Variants in CTBP1 observed in about 807,000 individuals in gnomAD.
CTBP1 encodes C-terminal-binding protein 1.
Under a neutral mutation model 42.1 loss-of-function variants are expected in CTBP1, and 11 were observed. The observed-to-expected ratio is 0.26, with a 90% CI of 0.16 to 0.43. The LOEUF (loss-of-function observed/expected upper bound fraction) is 0.43, where lower values mean the gene tolerates loss of function less well. Ranked by LOEUF, CTBP1 falls within the 20% of genes least tolerant of loss-of-function variation. The probability of loss-of-function intolerance (pLI) is 1.00; values close to 1 mark genes in which losing one functional copy is unlikely to be tolerated. For synonymous variants in CTBP1, 324 were observed against 277.1 expected, an observed-to-expected ratio of 1.17 and a Z score of -1.68; for missense variants, 399 against 624.3, an observed-to-expected ratio of 0.64 and a Z score of 3.85.
At chr4:1,240,680 G>C (rs993866469) in intron 2 of CTBP1, among the ~76,000 whole-genome samples, 2 of 152,118 alleles carry the variant, frequency 1.3e-5, no homozygotes, top group Admixed American at 6.5e-5. Context: ...CGGTGGGGAG[G>C]GGGGAGCAGG....
At chr4:1,249,500 C>A (rs1054834029), upstream of CTBP1, 1 of 164,310 alleles carries the variant, frequency 6.1e-6, no homozygotes, top group African/African-American at 2.4e-5. Flanking sequence ...GCGCCGCAGC[C>A]GCAGCCGCCC....
intron 1 of CTBP1, chr4:1,244,861 T>C: frequency 1.0e-6 from 1 of 985,438 alleles, no homozygotes; most frequent in Non-Finnish European, 1.2e-6. Flanking sequence ...CTGGCGGTGC[T>C]GCCCAGCCAG....
rs763692378 is a variant in CTBP1 at position 1,246,296 on chromosome 4, G to A, written c.-189+2620C>T. Among the ~76,000 whole-genome samples, 12 of 152,052 alleles carry A rather than the reference G, an allele frequency of 7.9e-5. No homozygotes were observed. In the South Asian group the frequency reaches 8.3e-4, roughly 11 times the overall value. On this transcript the variant is annotated intron_variant, in intron 1 of 9. Coordinates refer to ENST00000382952, the MANE Select transcript of CTBP1 (RefSeq NM_001012614.2). ...CGCTCCACCCGGCGCTCCGACCAGC[G>A]TTCCCTTGGGCGATGCAGTTCAACC... is the stretch of plus-strand genomic sequence containing the variant.
chr4:1,247,185 G>C (rs1732801633), intron 1 of CTBP1, among the ~76,000 whole-genome samples: 1 of 152,240 alleles, frequency 6.6e-6, no homozygotes, highest in Non-Finnish European at 1.5e-5. Context: ...AGAACTAACA[G>C]CTGCCCTGGT....
intron 5 of CTBP1, among the ~76,000 whole-genome samples, chr4:1,222,165 T>C (rs879578635): frequency 2.0e-5 from 3 of 152,156 alleles, no homozygotes; most frequent in Non-Finnish European, 4.4e-5. Flanking sequence ...CATGAGGCTC[T>C]TCCACAGAGG....
At chr4:1,219,728 T>A (rs528195637) in intron 5 of CTBP1, among the ~76,000 whole-genome samples, 1 of 152,314 alleles carries the variant, frequency 6.6e-6, no homozygotes, top group East Asian at 1.9e-4. Flanking sequence ...CAGAGGCAGG[T>A]CTCATTACGC....
At position 1,212,463 on chromosome 4, in the gene CTBP1, C is replaced by T. The variant is rs1354303611; in HGVS notation, c.1107-40G>A. 31 of 1,397,310 alleles carry T rather than the reference C, an allele frequency of 2.2e-5. No individual in the cohort carries two copies. In the South Asian group the frequency reaches 2.9e-4, roughly 13 times the overall value. The allele number at this position is 1,397,310 out of a possible 1,614,324, so 86.6% of individuals were successfully genotyped here. A position where few individuals can be genotyped will look rare whatever the true frequency, so the allele number is the denominator to read the frequency against. On this transcript the variant is annotated intron_variant, in intron 9 of 9. Coordinates refer to ENST00000382952, the MANE Select transcript of CTBP1 (RefSeq NM_001012614.2). ...TCCATCCGTGAGGCCCACCTGTAGG[C>T]GGCCTGGCCAGGCCCCACCTGCCCT...
At chr4:1,229,137 G>A (rs1336092370) in intron 3 of CTBP1, among the ~76,000 whole-genome samples, 3 of 152,194 alleles carry the variant, frequency 2.0e-5, no homozygotes, top group Non-Finnish European at 4.4e-5. Flanking sequence ...ACCCCACCCT[G>A]CCAAGGGCTC....
At chr4:1,232,746 T>C (rs1731090148) in intron 3 of CTBP1, 1 of 152,216 alleles carries the variant, frequency 6.6e-6, no homozygotes, top group Non-Finnish European at 1.5e-5. Context: ...CTTGCAAGCG[T>C]TCCTCTAACT....
intron 5 of CTBP1, among the ~76,000 whole-genome samples, chr4:1,220,398 C>G (rs1047251759): frequency 1.3e-5 from 2 of 151,948 alleles, no homozygotes; most frequent in African/African-American, 4.8e-5. Flanking sequence ...CTGATAACGA[C>G]GAAACACCGT....
intron 4 of CTBP1, among the ~76,000 whole-genome samples, chr4:1,227,947 T>G (rs1372141070): frequency 6.6e-6 from 1 of 152,176 alleles, no homozygotes; most frequent in African/African-American, 2.4e-5. Context: ...CAGACATGCA[T>G]GCAGACCTGT....
In CTBP1 at chr4:1,233,493, C is replaced by A. The variant is rs73793141; in HGVS notation, c.162+4690G>T. On this transcript the variant is annotated intron_variant, in intron 3 of 9. Transcript: ENST00000382952. This position sits in a 1 kb window ranked among gnomAD's most constrained non-coding sequence, Gnocchi z 4.6. Reference sequence around the variant, plus strand: ...GGAGCCGCCCTGCCGCTCCAGGCCCCGCAGCCCACACCGGACGCAGCCTCC... The same window carrying A: ...GGAGCCGCCCTGCCGCTCCAGGCCCAGCAGCCCACACCGGACGCAGCCTCC... Among the ~76,000 whole-genome samples, 1 of 152,218 alleles carries A rather than the reference C, an allele frequency of 6.6e-6. No homozygotes were observed. Among genetic ancestry groups the A allele is most frequent in the Non-Finnish European group, 1.5e-5 (1 of 68,030 alleles).
intron 3 of CTBP1, among the ~76,000 whole-genome samples, chr4:1,234,350 T>A (rs1398624310): frequency 6.6e-6 from 1 of 152,236 alleles, no homozygotes; most frequent in African/African-American, 2.4e-5. Context: ...TGGCGCCGGC[T>A]CTGCTTCTGG....
intron 1 of CTBP1, among the ~76,000 whole-genome samples, chr4:1,247,261 G>A (rs1732812243): frequency 6.6e-6 from 1 of 152,102 alleles, no homozygotes; most frequent in South Asian, 2.1e-4. Context: ...CCGGGCAGGC[G>A]GACGAGGCAC....
At chr4:1,214,607 C>G (rs539699769) in intron 6 of CTBP1, 134 bp from the exon 7 acceptor site, 1 of 1,183,884 alleles carries the variant, frequency 8.4e-7, no homozygotes, top group African/African-American at 1.6e-5. Flanking sequence ...CCTGGGCTCA[C>G]CACGGCGCTA....
Position 1,238,161 on chromosome 4 carries a change from C to T in CTBP1, c.162+22G>A, listed in dbSNP as rs1346317756. On this transcript the variant is annotated intron_variant, in intron 3 of 9. Transcript: ENST00000382952. The surrounding 1 kb of genome is among the most constrained non-coding windows in gnomAD (Gnocchi z 5.9). ...CCCCCAACGTGCGGTTCTGCCAGCCCCAGGCGACCACGTGGTGGTACCTTC... is the reference window on the plus strand; with the variant it reads ...CCCCCAACGTGCGGTTCTGCCAGCCTCAGGCGACCACGTGGTGGTACCTTC... 2 of 1,612,432 alleles carry T rather than the reference C, an allele frequency of 1.2e-6. No individual in the cohort carries two copies. Among genetic ancestry groups the T allele is most frequent in the Non-Finnish European group, 1.7e-6 (2 of 1,179,528 alleles).
chr4:1,249,837 G>C (rs982887934), upstream of CTBP1: 1 of 211,960 alleles, frequency 4.7e-6, no homozygotes, highest in Admixed American at 6.2e-5. Context: ...GCTAACCAAC[G>C]TCCTGACAGC....
At chr4:1,231,983 C>T (rs1341322026) in intron 3 of CTBP1, among the ~76,000 whole-genome samples, 1 of 152,276 alleles carries the variant, frequency 6.6e-6, no homozygotes, top group East Asian at 1.9e-4. Flanking sequence ...TACCAAACGC[C>T]ACCGCCCTCA....
At chr4:1,221,714 C>A in intron 5 of CTBP1, 1 of 361,842 alleles carries the variant, frequency 2.8e-6, no homozygotes, top group South Asian at 2.0e-5. Context: ...CGGGTCCTCG[C>A]AGGGTCGTCG....
Sources: gnomAD v4.1 joint callset for allele counts (sites outside exome capture counted in the v4.1 genomes callset) on GRCh38, gnomAD v4.1.1 for gene constraint, Gnocchi (gnomAD v3.1) non-coding constraint, MANE v1.5 for transcripts, NCBI Gene and HGNC (gene_info 2026-07-23, HGNC 2026-07-21) for gene names.